Variants in RALGAPA1 observed in about 807,000 individuals in gnomAD.
RALGAPA1 encodes the protein Ral GTPase activating protein catalytic subunit alpha 1.
In RALGAPA1, 52 loss-of-function variants were observed where a neutral mutation model predicts 269.6. That is an observed-to-expected ratio of 0.19 (90% confidence interval 0.15 to 0.24). RALGAPA1 has a LOEUF of 0.24. Ranked by LOEUF, RALGAPA1 falls within the 10% of genes least tolerant of loss-of-function variation. The probability of loss-of-function intolerance (pLI) is 1.00; values close to 1 mark genes in which losing one functional copy is unlikely to be tolerated. For missense variants in RALGAPA1, 1,917 were observed against 3,013.9 expected (o/e 0.64, Z 8.52); for synonymous variants, 817 against 1,008.3 (o/e 0.81, Z 3.60).
intron 16 of RALGAPA1, chr14:35,716,050 A>T: frequency 1.0e-6 from 1 of 984,950 alleles, no homozygotes; most frequent in Non-Finnish European, 1.2e-6. Context: ...ACTTTTTAAA[A>T]AGCCCCTTTC....
At chr14:35,762,143 G>A (rs1268537439) in intron 5 of RALGAPA1, among the ~76,000 whole-genome samples, 1 of 152,162 alleles carries the variant, frequency 6.6e-6, no homozygotes, top group African/African-American at 2.4e-5. Flanking sequence ...ACCATAAAGA[G>A]GAAAGATTGC....
At chr14:35,661,758 T>C (rs895601913) in intron 27 of RALGAPA1, among the ~76,000 whole-genome samples, 4 of 152,154 alleles carry the variant, frequency 2.6e-5, no homozygotes, top group African/African-American at 9.6e-5. Context: ...CAGCACCTAG[T>C]CCAATTGATA....
intron 11 of RALGAPA1, among the ~76,000 whole-genome samples, chr14:35,741,070 C>T (rs887200421): frequency 2.0e-5 from 3 of 152,206 alleles, no homozygotes; most frequent in Non-Finnish European, 2.9e-5. Flanking sequence ...AACAAACCTA[C>T]ACAACATACC....
At chr14:35,737,968 A>G (rs199857420) in intron 12 of RALGAPA1, among the ~76,000 whole-genome samples, 1 of 150,806 alleles carries the variant, frequency 6.6e-6, no homozygotes, top group African/African-American at 2.4e-5. Context: ...CGCGCCTGTA[A>G]TCCCAGCTAC....
chr14:35,652,683 G>A (rs1191609926), intron 30 of RALGAPA1, among the ~76,000 whole-genome samples: 7 of 151,992 alleles, frequency 4.6e-5, no homozygotes, highest in Admixed American at 4.6e-4. Context: ...GGGATTACAG[G>A]CATGAGCCAC....
At chr14:35,703,314 A>G (rs897424184) in intron 16 of RALGAPA1, among the ~76,000 whole-genome samples, 8 of 152,152 alleles carry the variant, frequency 5.3e-5, no homozygotes, top group South Asian at 2.1e-4. Context: ...TCTACAAAAA[A>G]CAAAAACTAA....
At chr14:35,742,998 C>A (rs1356290284) in intron 10 of RALGAPA1, among the ~76,000 whole-genome samples, 1 of 152,080 alleles carries the variant, frequency 6.6e-6, no homozygotes, top group Non-Finnish European at 1.5e-5. Flanking sequence ...TTGTGGGGTG[C>A]AATCACATAC....
rs372998900 is a variant in RALGAPA1, at chr14:35,661,997, C to T, written c.5328+2645G>A. Among the ~76,000 whole-genome samples, 36 of 152,164 alleles carry T rather than the reference C, an allele frequency of 2.4e-4. No individual in the cohort carries two copies. The South Asian group carries it at 7.1e-3, about 30-fold the overall frequency. On this transcript the variant is annotated intron_variant, in intron 27 of 41. Transcript: ENST00000680220. ...TTTGGGGTAGGGAGATGTATACGAG[C>T]GTTTCTTTGGTGATGACGAAAATGT...
At chr14:35,778,028 C>T (rs1595523550) in intron 1 of RALGAPA1, among the ~76,000 whole-genome samples, 2 of 152,180 alleles carry the variant, frequency 1.3e-5, no homozygotes, top group African/African-American at 4.8e-5. Flanking sequence ...GCACTTTAAA[C>T]TCTTTCATGT....
chr14:35,704,029 G>A (rs1401730896), intron 16 of RALGAPA1, among the ~76,000 whole-genome samples: 1 of 152,002 alleles, frequency 6.6e-6, no homozygotes, highest in African/African-American at 2.4e-5. Context: ...GGCAACTCCA[G>A]AATTTTCTCA....
At chr14:35,591,062 A>G (rs1021832972) in intron 37 of RALGAPA1, among the ~76,000 whole-genome samples, 1 of 152,232 alleles carries the variant, frequency 6.6e-6, no homozygotes, top group Admixed American at 6.5e-5. Flanking sequence ...TTGAATACAT[A>G]AAACTGTACT....
chr14:35,566,629 A>AT (rs2056731118), intron 39 of RALGAPA1, among the ~76,000 whole-genome samples: 1 of 151,764 alleles, frequency 6.6e-6, no homozygotes, highest in African/African-American at 2.4e-5. Flanking sequence ...AAAATGCTTG[A>AT]TTTTTTCCTT....
chr14:35,594,938 C>T (rs556809698), intron 37 of RALGAPA1, among the ~76,000 whole-genome samples: 109 of 152,006 alleles, frequency 7.2e-4, no homozygotes, highest in Non-Finnish European at 1.1e-3. Context: ...GGTATATATG[C>T]ATACAATGTA....
At chr14:35,733,170 C>G (rs2070662770) in intron 12 of RALGAPA1, among the ~76,000 whole-genome samples, 1 of 152,094 alleles carries the variant, frequency 6.6e-6, no homozygotes, top group South Asian at 2.1e-4. Flanking sequence ...AAAACAAAAT[C>G]AAGATGGAAA....
At chr14:35,690,796 G>A (rs553254796) in intron 17 of RALGAPA1, among the ~76,000 whole-genome samples, 4 of 152,124 alleles carry the variant, frequency 2.6e-5, no homozygotes, top group East Asian at 1.9e-4. Context: ...TAGGCTGGGC[G>A]CGGTGGCTCA....
chr14:35,615,579 A>T (rs184036708), intron 35 of RALGAPA1, among the ~76,000 whole-genome samples: 13 of 152,286 alleles, frequency 8.5e-5, no homozygotes, highest in African/African-American at 3.1e-4. Context: ...TTTCTTTAAA[A>T]TTATTTTTAA....
rs777262641 is a variant in RALGAPA1, at chr14:35,689,963, G to C, written c.2448C>G (p.Val816=). 5.3e-5 allele frequency: 84 copies of C among 1,598,362 alleles called. 1 individual carries two copies. Among genetic ancestry groups the C allele is most frequent in the South Asian group, 4.9e-4 (43 of 88,440 alleles). Residue 816 remains valine, a synonymous_variant, in exon 18 of 42, where the codon GTC becomes GTG. Coordinates refer to ENST00000680220, the MANE Select transcript of RALGAPA1 (RefSeq NM_001346249.2). ...TTTCTTCACTTTGTGAAAAATGTCT[G>C]ACTCTAGTTGAGCGGGGAAGTATTT... ...DAQILPRSTR[V]RHFSQSEETG...
At chr14:35,553,881 A>G (rs1338609494) in intron 39 of RALGAPA1, among the ~76,000 whole-genome samples, 1 of 152,232 alleles carries the variant, frequency 6.6e-6, no homozygotes, top group Non-Finnish European at 1.5e-5. Flanking sequence ...GCTCAATGGC[A>G]TAGTCTCAGG....
At chr14:35,760,110 G>C (rs999045281) in intron 6 of RALGAPA1, among the ~76,000 whole-genome samples, 16 of 152,040 alleles carry the variant, frequency 1.1e-4, no homozygotes, top group African/African-American at 3.1e-4. Context: ...AAACACACTT[G>C]TACTTCAATG....
Sources: gnomAD v4.1 joint callset for allele counts (sites outside exome capture counted in the v4.1 genomes callset) on GRCh38, gnomAD v4.1.1 for gene constraint, MANE v1.5 for transcripts, NCBI Gene and HGNC (gene_info 2026-07-23, HGNC 2026-07-21) for gene names.